Variants in SMCHD1 observed in about 807,000 individuals in gnomAD.
SMCHD1 encodes structural maintenance of chromosomes flexible hinge domain containing 1, also known as structural maintenance of chromosomes flexible hinge domain-containing protein 1.
Under a neutral mutation model 254.7 loss-of-function variants are expected in SMCHD1, and 78 were observed. The observed-to-expected ratio is 0.31, with a 90% CI of 0.26 to 0.37. SMCHD1 has a LOEUF of 0.37. SMCHD1 is among the 10% of genes least tolerant of loss of function. The pLI is 1.00. For synonymous variants in SMCHD1, 766 were observed against 794.9 expected (o/e 0.96, Z 0.61); for missense variants, 1,840 against 2,408.1 (o/e 0.76, Z 4.94).
chr18:2,772,397 A>G, intron 41 of SMCHD1, 25 bp downstream of exon 41: 1 of 1,512,930 alleles, frequency 6.6e-7, no homozygotes, highest in Non-Finnish European at 8.8e-7. Context: ...AGCCTTTTGA[A>G]AGGCAGTACA....
At chr18:2,658,048 A>T (rs1241534889) in intron 1 of SMCHD1, among the ~76,000 whole-genome samples, 1 of 152,120 alleles carries the variant, frequency 6.6e-6, no homozygotes, top group Non-Finnish European at 1.5e-5. Context: ...CCGCCTCCCA[A>T]AGTGCTGGGA....
rs149280679 is a variant in SMCHD1 at position 2,696,100 on chromosome 18, A to G, written c.1041-932A>G. Among the ~76,000 whole-genome samples, 79 of 152,366 alleles carry G rather than the reference A, an allele frequency of 5.2e-4. 1 individual carries two copies. In the Middle Eastern group the frequency reaches 0.014, roughly 26 times the overall value. On this transcript the variant is annotated intron_variant, in intron 8 of 47. Transcript: ENST00000320876. ...TAATCCTGAACAATGTTACCAAAAT[A>G]TAATCTTTTTTAACCTTTTCTGAAA...
chr18:2,656,219 G>A lies in SMCHD1; in HGVS notation c.144G>A (p.Gly48=), dbSNP rs753965823. ...SELGDRPLQV[G]ERSDYAGFRA... is the part of the protein sequence containing the mutation. ...TCGGGGACCGGCCTCTGCAGGTCGG[G>A]GAGCGCTCGGACTACGCGGGATTTC... is the stretch of plus-strand genomic sequence containing the variant. The change falls in exon 1 of 48, where the codon GGG becomes GGA. Residue 48 remains glycine, a synonymous_variant. Transcript: ENST00000320876. 6.6e-7 allele frequency: 1 copy of A among 1,504,820 alleles called. No individual in the cohort carries two copies. The highest frequency in any genetic ancestry group is 8.8e-7 in the Non-Finnish European group (1 of 1,135,334). 93.2% of individuals were successfully genotyped at this position (1,504,820 alleles called of 1,614,324 possible).
chr18:2,691,041 C>G (rs986950047), intron 7 of SMCHD1, among the ~76,000 whole-genome samples: 1 of 147,070 alleles, frequency 6.8e-6, no homozygotes, highest in Non-Finnish European at 1.5e-5. Flanking sequence ...TTTATTTTCT[C>G]GATAACTTAA....
intron 5 of SMCHD1, among the ~76,000 whole-genome samples, chr18:2,676,586 G>A (rs2073754910): frequency 6.6e-6 from 1 of 152,154 alleles, no homozygotes; most frequent in South Asian, 2.1e-4. Context: ...AGAGGGAGAT[G>A]TGAGAATTTC....
intron 5 of SMCHD1, among the ~76,000 whole-genome samples, chr18:2,685,099 TTTC>T (rs1282059325): frequency 2.3e-5 from 3 of 128,566 alleles, no homozygotes; most frequent in Admixed American, 8.1e-5. Flanking sequence ...CCCTTATTTT[TTTC>T]TTTTTTTTTT....
In SMCHD1 at chr18:2,701,155, G is replaced by GT. The variant is rs200431551; in HGVS notation, c.1647+245dup. On this transcript the variant is annotated intron_variant, in intron 12 of 47. Transcript: ENST00000320876. ...GGATAGAATTTACATATCTTCATTA[G>GT]TTTTTTTTGTTTTTTTTTTTTTAAG... 0.049 allele frequency: 11,154 copies of GT among 227,600 alleles called. 476 individuals carry two copies. Among genetic ancestry groups the GT allele is most frequent in the South Asian group, 0.088 (492 of 5,610 alleles). The allele number at this position is 227,600 out of a possible 1,614,324, so 14.1% of individuals were successfully genotyped here.
Position 2,655,947 on chromosome 18 carries a change from G to A in SMCHD1, c.-129G>A. The A allele has an allele frequency of 4.6e-6, 3 of 646,088 alleles. No homozygotes were observed. The highest frequency in any genetic ancestry group is 6.6e-6 in the Non-Finnish European group (3 of 455,368). 40.0% of individuals were successfully genotyped at this position (646,088 alleles called of 1,614,324 possible). On this transcript the variant is annotated 5_prime_UTR_variant, in exon 1 of 48. Coordinates refer to ENST00000320876, the MANE Select transcript of SMCHD1 (RefSeq NM_015295.3). ...GCTCGGCCGCCGCCGCTGACGAGGA[G>A]CTGCAGCGCGCCGGGCCGAGGCCTC...
chr18:2,771,497 C>G (rs751808192), intron 39 of SMCHD1, 36 bp from the exon 40 acceptor site: 2 of 1,462,590 alleles, frequency 1.4e-6, no homozygotes, highest in Non-Finnish European at 1.9e-6. Context: ...TGGGGGCTAT[C>G]AGAAATTGAT....
chr18:2,735,670 C>T (rs1457725623), intron 25 of SMCHD1, among the ~76,000 whole-genome samples: 2 of 152,182 alleles, frequency 1.3e-5, no homozygotes, highest in African/African-American at 2.4e-5. Flanking sequence ...GTCCCATTTA[C>T]GGTAGCCACA....
At chr18:2,693,622 TTTTGTTTG>T (rs77752065) in intron 7 of SMCHD1, among the ~76,000 whole-genome samples, 196 of 149,366 alleles carry the variant, frequency 1.3e-3, no homozygotes, top group Non-Finnish European at 2.0e-3. Flanking sequence ...ATACCATGTT[TTTTGTTTG>T]TTTGTTTGTT....
At position 2,728,951 on chromosome 18, in the gene SMCHD1, G is replaced by GAA. The variant is rs370623037; in HGVS notation, c.2914-312_2914-311dup. 3,261 of 168,092 alleles carry GAA rather than the reference G, an allele frequency of 0.019. 10 individuals carry two copies. Among genetic ancestry groups the GAA allele is most frequent in the Middle Eastern group, 0.034 (14 of 416 alleles). The allele number at this position is 168,092 out of a possible 1,614,324, so 10.4% of individuals were successfully genotyped here. A position where few individuals can be genotyped will look rare whatever the true frequency, so the allele number is the denominator to read the frequency against. On this transcript the variant is annotated intron_variant, in intron 23 of 47. Coordinates refer to ENST00000320876, the MANE Select transcript of SMCHD1 (RefSeq NM_015295.3). ...CCATTCTTTATTCCTTTACTTTAGG[G>GAA]AAAAAAAAAAAAAGGGAATGATGAC... is the stretch of plus-strand genomic sequence containing the variant.
intron 31 of SMCHD1, 40 bp from the exon 32 acceptor site, chr18:2,750,310 C>A (rs2075546850): frequency 6.4e-7 from 1 of 1,563,314 alleles, no homozygotes; most frequent in East Asian, 2.3e-5. Context: ...AGGTTATTAA[C>A]TAATGTAATT....
intron 44 of SMCHD1, 136 bp from the exon 45 acceptor site, chr18:2,784,314 A>G (rs2143814340): frequency 1.5e-6 from 1 of 669,588 alleles, no homozygotes; most frequent in Non-Finnish European, 2.4e-6. Context: ...TATCTTACAT[A>G]TTGCTAGTTA....
intron 3 of SMCHD1, among the ~76,000 whole-genome samples, chr18:2,672,257 C>T (rs1295074079): frequency 6.6e-6 from 1 of 152,166 alleles, no homozygotes; most frequent in East Asian, 1.9e-4. Context: ...GATAGAGTCT[C>T]GCTCTGTTGC....
In SMCHD1 at chr18:2,769,697, C is replaced by T; in HGVS notation, c.4723C>T (p.Leu1575=). The part of the protein sequence containing the change: ...FVNGSAEIMS[L]VLAESSPGRD... ...TATTGTTTGTTTATATGTACAGAGT[C>T]TGGTGCTGGCAGAAAGTAGTCCTGG... Residue 1575 remains leucine (L), a synonymous_variant, in exon 38 of 48, where the codon CTG becomes TTG. Coordinates refer to ENST00000320876, the MANE Select transcript of SMCHD1 (RefSeq NM_015295.3). The T allele has an allele frequency of 6.3e-7, 1 of 1,597,136 alleles. No individual in the cohort carries two copies. The highest frequency in any genetic ancestry group is 1.1e-5 in the South Asian group (1 of 88,864).
In SMCHD1 at chr18:2,803,198, G is replaced by GTATATATATA. The variant is rs1555660641; in HGVS notation, c.*657_*666dup. On this transcript the variant is annotated 3_prime_UTR_variant, in exon 48 of 48. Transcript: ENST00000320876. ...ACTTATCCTGTGTGTGTGTGTGTGT[G>GTATATATATA]TATATATATATATATATATAAATAT... 1 of 136,518 alleles carries GTATATATATA rather than the reference G, an allele frequency of 7.3e-6. No homozygotes were observed. 8.5% of individuals were successfully genotyped at this position (136,518 alleles called of 1,614,324 possible).
chr18:2,718,310 T>A lies in SMCHD1; in HGVS notation c.2339-5T>A. On this transcript the variant is annotated splice_region_variant and splice_polypyrimidine_tract_variant and intron_variant, in intron 18 of 47. Transcript: ENST00000320876. This position sits in a 1 kb window ranked among gnomAD's most constrained non-coding sequence, Gnocchi z 4.6. The stretch of plus-strand genomic sequence containing the variant: ...TGATTTTTAATTTCTTCTTAATTTA[T>A]CCAGAAAATATTCAGAAGTTGGGGA... The A allele has an allele frequency of 6.2e-7, 1 of 1,609,306 alleles. No individual in the cohort carries two copies. Among genetic ancestry groups the A allele is most frequent in the Non-Finnish European group, 8.5e-7 (1 of 1,177,506 alleles).
At chr18:2,726,557 A>C (rs1435927028) in intron 22 of SMCHD1, 33 bp downstream of exon 22, 1 of 1,069,526 alleles carries the variant, frequency 9.3e-7, no homozygotes, top group South Asian at 1.8e-5. Flanking sequence ...AATTATTTAA[A>C]ATAATTTTCT....
Sources: gnomAD v4.1 joint callset for allele counts (sites outside exome capture counted in the v4.1 genomes callset) on GRCh38, gnomAD v4.1.1 for gene constraint, Gnocchi (gnomAD v3.1) non-coding constraint, MANE v1.5 for transcripts, NCBI Gene and HGNC (gene_info 2026-07-23, HGNC 2026-07-21) for gene names.